The following RAD51B variants were observed in gnomAD, a reference collection of about 807,000 sequenced individuals.
RAD51B encodes RAD51 paralog B, also known as DNA repair protein RAD51 homolog 2.
A neutral mutation model predicts 42.2 loss-of-function variants in RAD51B; 38 were observed. That is an observed-to-expected ratio of 0.90 (90% CI 0.70 to 1.18). RAD51B has a LOEUF of 1.18. RAD51B is among the 50% of genes most tolerant of loss of function. RAD51B has a pLI of 0.00. For synonymous variants in RAD51B, 154 were observed against 145.2 expected (o/e 1.06, Z -0.43); for missense variants, 373 against 400.7 (o/e 0.93, Z 0.59).
intron 4 of RAD51B, among the ~76,000 whole-genome samples, chr14:67,856,919 G>T (rs2042014716): frequency 6.6e-6 from 1 of 151,126 alleles, no homozygotes; most frequent in South Asian, 2.1e-4. Context: ...GAAGTGAATT[G>T]TTTTTTTACT....
At chr14:68,553,650 A>T (rs1888685660) in intron 10 of RAD51B, among the ~76,000 whole-genome samples, 1 of 143,958 alleles carries the variant, frequency 6.9e-6, no homozygotes, top group African/African-American at 2.6e-5. Flanking sequence ...TTAGGAATAG[A>T]GGCCATTAGC....
chr14:67,960,686 A>G (rs1275005038), intron 7 of RAD51B, among the ~76,000 whole-genome samples: 4 of 152,070 alleles, frequency 2.6e-5, no homozygotes. Context: ...TTCTTTTTTT[A>G]GAGACAGGGT....
intron 7 of RAD51B, among the ~76,000 whole-genome samples, chr14:67,944,006 G>A (rs980972752): frequency 2.6e-5 from 4 of 151,882 alleles, no homozygotes; most frequent in Admixed American, 6.6e-5. Context: ...CAGCACTCTG[G>A]GATAAAACCA....
At chr14:68,147,312 C>T (rs2078273197) in intron 7 of RAD51B, among the ~76,000 whole-genome samples, 1 of 152,174 alleles carries the variant, frequency 6.6e-6, no homozygotes, top group Admixed American at 6.5e-5. Context: ...GTTCTATGCT[C>T]ATATCCTCAC....
At chr14:68,465,956 AAATAAATAAATAAAT>A (rs1202265320) in intron 9 of RAD51B, among the ~76,000 whole-genome samples, 2 of 76,612 alleles carry the variant, frequency 2.6e-5, no homozygotes, top group Non-Finnish European at 2.6e-5. Flanking sequence ...AAAAAAAAAT[AAATAAATAAATAAAT>A]AAATAAATAA....
At chr14:67,879,708 A>G (rs984684101) in intron 5 of RAD51B, among the ~76,000 whole-genome samples, 1 of 152,202 alleles carries the variant, frequency 6.6e-6, no homozygotes. Context: ...TTAGTGTCTG[A>G]CTTAATAGAA....
At chr14:68,558,466 A>C (rs1342428260) in intron 10 of RAD51B, among the ~76,000 whole-genome samples, 1 of 152,226 alleles carries the variant, frequency 6.6e-6, no homozygotes, top group East Asian at 1.9e-4. Context: ...GTGTGATATC[A>C]AGGTTTCGGC....
chr14:68,532,351 A>G (rs1887364086), intron 10 of RAD51B, among the ~76,000 whole-genome samples: 1 of 152,184 alleles, frequency 6.6e-6, no homozygotes, highest in African/African-American at 2.4e-5. Context: ...TGCTCCAGAA[A>G]AAAAGAAAAT....
intron 4 of RAD51B, among the ~76,000 whole-genome samples, chr14:67,858,432 G>A (rs1303887060): frequency 6.6e-6 from 1 of 152,222 alleles, no homozygotes; most frequent in East Asian, 1.9e-4. Flanking sequence ...CTTACCCAAA[G>A]TCTGGCCATC....
chr14:68,076,308 C>T (rs1317454746), intron 7 of RAD51B, among the ~76,000 whole-genome samples: 1 of 152,162 alleles, frequency 6.6e-6, no homozygotes, highest in African/African-American at 2.4e-5. Context: ...GTAATCACAT[C>T]TCAGTAACCA....
At chr14:68,069,674 C>G (rs1351114393) in intron 7 of RAD51B, 1 of 152,148 alleles carries the variant, frequency 6.6e-6, no homozygotes, top group Admixed American at 6.5e-5. Context: ...TTTTCTTTGT[C>G]TAATCTACCA....
chr14:68,239,715 C>T (rs1351613471), intron 7 of RAD51B, among the ~76,000 whole-genome samples: 3 of 152,122 alleles, frequency 2.0e-5, no homozygotes, highest in Non-Finnish European at 1.5e-5. Flanking sequence ...CCAAAAGAAC[C>T]ATATGAGGCC....
intron 10 of RAD51B, among the ~76,000 whole-genome samples, chr14:68,587,831 C>CT (rs1265542990): frequency 6.6e-6 from 1 of 152,210 alleles, no homozygotes; most frequent in African/African-American, 2.4e-5. Flanking sequence ...CACAGTGTGG[C>CT]TTTTGGTCAG....
chr14:67,934,814 G>T (rs1202328758), intron 7 of RAD51B, among the ~76,000 whole-genome samples: 1 of 152,156 alleles, frequency 6.6e-6, no homozygotes, highest in African/African-American at 2.4e-5. Flanking sequence ...TATTGATGGG[G>T]GGGAATGTCC....
intron 9 of RAD51B, 105 bp downstream of exon 9, chr14:68,411,632 C>A: frequency 9.7e-7 from 1 of 1,032,050 alleles, no homozygotes; most frequent in Non-Finnish European, 1.5e-6. Context: ...CTGTCCTGAG[C>A]CAGCAGCAGC....
chr14:68,133,812 G>A (rs998727686), intron 7 of RAD51B, among the ~76,000 whole-genome samples: 4 of 151,886 alleles, frequency 2.6e-5, no homozygotes, highest in Non-Finnish European at 4.4e-5. Flanking sequence ...GGCTTGTTAA[G>A]AAAACTTTTT....
intron 7 of RAD51B, among the ~76,000 whole-genome samples, chr14:67,977,011 A>G (rs998389505): frequency 6.6e-6 from 1 of 152,218 alleles, no homozygotes; most frequent in Non-Finnish European, 1.5e-5. Context: ...CAAAACCACA[A>G]TGAGATACCA....
rs111830953 is a variant in RAD51B, at chr14:68,436,911, C to CT, written c.957+25387dup. ...GAAGTCATTTATCAGCTGTAGGAGG[C>CT]TTTAGTGGAGTCTTTAGGGTTTTCT... On this transcript the variant is annotated intron_variant, in intron 9 of 10. Coordinates refer to ENST00000471583, the MANE Select transcript of RAD51B (RefSeq NM_133510.4). 3.3e-5 allele frequency among the ~76,000 whole-genome samples: 5 copies of CT among 152,132 alleles called. 1 individual carries two copies. Among genetic ancestry groups the CT allele is most frequent in the African/African-American group, 1.2e-4 (5 of 41,506 alleles).
chr14:68,324,817 C>G (rs2082219793), intron 8 of RAD51B, among the ~76,000 whole-genome samples: 1 of 152,272 alleles, frequency 6.6e-6, no homozygotes, highest in Non-Finnish European at 1.5e-5. Context: ...TCATGCTTTA[C>G]TTCGGTAGTG....
Sources: gnomAD v4.1 joint callset for allele counts (sites outside exome capture counted in the v4.1 genomes callset) on GRCh38, gnomAD v4.1.1 for gene constraint, MANE v1.5 for transcripts, NCBI Gene and HGNC (gene_info 2026-07-23, HGNC 2026-07-21) for gene names.